DTNBP1: variants seen among roughly 807,000 people sequenced by gnomAD.
DTNBP1 encodes dystrobrevin binding protein 1.
Under a neutral mutation model 42.8 loss-of-function variants are expected in DTNBP1, and 35 were observed. The ratio of observed to expected loss-of-function variants is 0.82; its 90% CI spans 0.63 to 1.09. The LOEUF is 1.09. DTNBP1 is among the 50% of genes least tolerant of loss of function. The probability of loss-of-function intolerance (pLI) is 0.00; values close to 1 mark genes in which losing one functional copy is unlikely to be tolerated. For synonymous variants in DTNBP1, 171 were observed against 162.2 expected (o/e 1.05, Z -0.41); for missense variants, 457 against 424.2 (o/e 1.08, Z -0.68).
chr6:15,577,872 T>C (rs1049282257), intron 7 of DTNBP1, among the ~76,000 whole-genome samples: 1 of 152,186 alleles, frequency 6.6e-6, no homozygotes, highest in African/African-American at 2.4e-5. Context: ...TTGGACTGAA[T>C]CCTGAAGTGT....
At chr6:15,597,659 G>T (rs916832887) in intron 6 of DTNBP1, among the ~76,000 whole-genome samples, 2 of 152,212 alleles carry the variant, frequency 1.3e-5, no homozygotes, top group East Asian at 3.9e-4. Context: ...TTGTAATGTG[G>T]TTCTGTTCAT....
intron 3 of DTNBP1, among the ~76,000 whole-genome samples, chr6:15,640,993 C>T (rs1347960007): frequency 6.6e-6 from 1 of 152,180 alleles, no homozygotes; most frequent in Non-Finnish European, 1.5e-5. Flanking sequence ...GGAGTCTGTG[C>T]TCTGATCACA....
At chr6:15,579,826 AAG>A (rs1248994171) in intron 7 of DTNBP1, 1 of 454,884 alleles carries the variant, frequency 2.2e-6, no homozygotes, top group Admixed American at 2.4e-5. Flanking sequence ...AAAAAAAGAA[AAG>A]AGTGAATTTT....
intron 7 of DTNBP1, among the ~76,000 whole-genome samples, chr6:15,552,068 G>A (rs536080317): frequency 1.3e-4 from 20 of 152,300 alleles, no homozygotes; most frequent in Non-Finnish European, 2.5e-4. Context: ...GCAGGAAGTG[G>A]CTACAAGGGG....
intron 6 of DTNBP1, among the ~76,000 whole-genome samples, chr6:15,595,546 C>T (rs1178242397): frequency 6.6e-6 from 1 of 152,116 alleles, no homozygotes; most frequent in Non-Finnish European, 1.5e-5. Flanking sequence ...GGATTACAGG[C>T]ATGAGTCATC....
intron 4 of DTNBP1, among the ~76,000 whole-genome samples, chr6:15,628,804 T>C (rs1759512807): frequency 6.6e-6 from 1 of 152,198 alleles, no homozygotes; most frequent in Non-Finnish European, 1.5e-5. Flanking sequence ...AATGAATATA[T>C]CAAAGATACA....
intron 7 of DTNBP1, among the ~76,000 whole-genome samples, chr6:15,549,715 A>G (rs1315007021): frequency 6.6e-6 from 1 of 152,044 alleles, no homozygotes; most frequent in Admixed American, 6.6e-5. Flanking sequence ...AGCATTTTAT[A>G]CTAAGCTAGC....
At chr6:15,589,938 C>A (rs916707148) in intron 7 of DTNBP1, among the ~76,000 whole-genome samples, 2 of 152,084 alleles carry the variant, frequency 1.3e-5, no homozygotes, top group African/African-American at 2.4e-5. Flanking sequence ...TCATACACTT[C>A]TTTTTTTGGA....
chr6:15,634,856 C>G (rs1791722276), intron 4 of DTNBP1, among the ~76,000 whole-genome samples: 1 of 152,176 alleles, frequency 6.6e-6, no homozygotes. Context: ...TTAGATTTAT[C>G]TATGTTTACC....
At chr6:15,633,276 T>C (rs1759798265) in intron 4 of DTNBP1, among the ~76,000 whole-genome samples, 1 of 152,236 alleles carries the variant, frequency 6.6e-6, no homozygotes, top group African/African-American at 2.4e-5. Flanking sequence ...GAAACACATT[T>C]TATAAGGTTA....
At chr6:15,586,985 T>C (rs1776106031) in intron 7 of DTNBP1, among the ~76,000 whole-genome samples, 1 of 152,176 alleles carries the variant, frequency 6.6e-6, no homozygotes, top group African/African-American at 2.4e-5. Flanking sequence ...TCAACTTTTT[T>C]TCATTCTGCC....
intron 6 of DTNBP1, among the ~76,000 whole-genome samples, chr6:15,612,618 A>T (rs1238190846): frequency 6.6e-6 from 1 of 152,230 alleles, no homozygotes; most frequent in Non-Finnish European, 1.5e-5. Flanking sequence ...CTGACAGAGC[A>T]CTTAGCTGGT....
At chr6:15,613,799 G>A (rs9476867) in intron 6 of DTNBP1, among the ~76,000 whole-genome samples, 23,441 of 151,898 alleles carry the variant, frequency 0.15, 2,683 homozygotes, top group African/African-American at 0.32. Flanking sequence ...GGCCTCCCTG[G>A]AGCTCTTCTG....
intron 4 of DTNBP1, 141 bp from the exon 5 acceptor site, chr6:15,627,616 G>A (rs1055233372): frequency 7.7e-7 from 1 of 1,295,698 alleles, no homozygotes; most frequent in Admixed American, 2.8e-5. Context: ...AGAGACTGAA[G>A]TTGTTTTCAT....
chr6:15,527,872 C>A (rs1246559515), intron 8 of DTNBP1, among the ~76,000 whole-genome samples: 1 of 152,142 alleles, frequency 6.6e-6, no homozygotes, highest in Non-Finnish European at 1.5e-5. Context: ...AAAGACAATT[C>A]CATGGAAAAC....
chr6:15,546,822 C>T (rs551980939), intron 7 of DTNBP1, among the ~76,000 whole-genome samples: 8 of 152,218 alleles, frequency 5.3e-5, no homozygotes, highest in South Asian at 4.2e-4. Context: ...AATGGTTCAA[C>T]GCCATTTGAA....
chr6:15,627,368 GTC>G lies in DTNBP1; in HGVS notation c.328_329del (p.Asp110LeufsTer16). On this transcript the variant is annotated frameshift_variant, in exon 5 of 10. Transcript: ENST00000344537. LOFTEE classifies it high-confidence loss of function. ...QLQQLPALIA[D>X]LESMTANLTH... ...TCAGATTTGCTGTCATGGATTCTAAGTCTGCGATTAAAGCTGGGAGCTGCTGG... is the reference window on the plus strand; with the variant it reads ...TCAGATTTGCTGTCATGGATTCTAAGTGCGATTAAAGCTGGGAGCTGCTGG... 1 of 1,613,774 alleles carries G rather than the reference GTC, an allele frequency of 6.2e-7. No homozygotes were observed. Among genetic ancestry groups the G allele is most frequent in the Non-Finnish European group, 8.5e-7 (1 of 1,179,912 alleles).
intron 4 of DTNBP1, among the ~76,000 whole-genome samples, chr6:15,631,720 G>C (rs546447965): frequency 3.6e-4 from 55 of 152,212 alleles, no homozygotes; most frequent in South Asian, 2.3e-3. Context: ...CCAGGGCCTA[G>C]GGTAATGAGA....
chr6:15,653,866 A>T (rs1003520203), intron 1 of DTNBP1, among the ~76,000 whole-genome samples: 19 of 152,102 alleles, frequency 1.2e-4, no homozygotes, highest in Non-Finnish European at 1.0e-4. Context: ...TCAGCCAGAA[A>T]CTGTCCTAAT....
Sources: allele counts gnomAD v4.1 joint callset (sites outside exome capture counted in the v4.1 genomes callset), GRCh38; gene constraint gnomAD v4.1.1; transcripts MANE v1.5; gene names NCBI Gene and HGNC (gene_info 2026-07-23, HGNC 2026-07-21).